Variants in NAPRT observed in about 807,000 individuals in gnomAD.
NAPRT encodes the protein nicotinate phosphoribosyltransferase, also known as FHA-HIT-interacting protein.
In NAPRT, 66 loss-of-function variants were observed where a neutral mutation model predicts 60.7. The ratio of observed to expected loss-of-function variants is 1.09; its 90% CI spans 0.89 to 1.33. NAPRT has a LOEUF of 1.33. NAPRT is among the 40% of genes most tolerant of loss of function. The pLI, the probability that NAPRT is intolerant of heterozygous loss-of-function variation, is 0.00. For missense variants in NAPRT, 818 were observed against 731.5 expected, an observed-to-expected ratio of 1.12 and a Z score of -1.36; for synonymous variants, 405 against 335.7, an observed-to-expected ratio of 1.21 and a Z score of -2.26.
At chr8:143,575,846 C>T in intron 8 of NAPRT, 144 bp from the exon 9 acceptor site, 1 of 441,712 alleles carries the variant, frequency 2.3e-6, no homozygotes, top group Non-Finnish European at 3.5e-6. Flanking sequence ...GGTGCCAGTG[C>T]CCTAGGTGGG....
downstream of NAPRT, chr8:143,574,663 T>C (rs1824296706): frequency 1.3e-6 from 1 of 765,598 alleles, no homozygotes; most frequent in Non-Finnish European, 2.2e-6. Context: ...GCCTGTGCTT[T>C]CACTGGGATG....
At chr8:143,575,127 GGCT>G in intron 11 of NAPRT, 34 bp from the exon 12 acceptor site, 3 of 1,560,114 alleles carry the variant, frequency 1.9e-6, no homozygotes, top group Non-Finnish European at 2.6e-6. Context: ...AGAAGCTTGG[GGCT>G]AGCTCCCAGT....
In NAPRT at chr8:143,575,315, G is replaced by A; in HGVS notation, c.1322C>T (p.Ala441Val). The stretch of plus-strand genomic sequence containing the variant: ...CCCAGCCTGTGGCACTGGCTCTTCT[G>A]CTAACTGCAGCATGTCCATGAGTGG... ...GSPLMDMLQLAEEPVPQAGQE... is the reference protein window; with the variant it reads ...GSPLMDMLQLVEEPVPQAGQE... Residue 441 changes from alanine (A) to valine (V), a missense_variant, in exon 11 of 13, where the codon GCA becomes GTA. Ala to Val is a moderately conservative substitution (Grantham distance 64). Coordinates refer to ENST00000449291, the MANE Select transcript of NAPRT (RefSeq NM_145201.6). 6 of 1,612,724 alleles carry A rather than the reference G, an allele frequency of 3.7e-6. No homozygotes were observed. The highest frequency in any genetic ancestry group is 4.2e-6 in the Non-Finnish European group (5 of 1,179,886).
rs761598203 is a variant in NAPRT, at chr8:143,577,249, G to GC, written c.568+19dup. ...GCTCCTCCTTCCCGGCCCTTGCCTT[G>GC]CCCCGCACCAGACACTCACCGCCCA... On this transcript the variant is annotated intron_variant, in intron 4 of 12. Coordinates refer to ENST00000449291, the MANE Select transcript of NAPRT (RefSeq NM_145201.6). 9.3e-6 allele frequency: 15 copies of GC among 1,607,588 alleles called. No homozygotes were observed. Among genetic ancestry groups the GC allele is most frequent in the Non-Finnish European group, 1.3e-5 (15 of 1,176,716 alleles).
chr8:143,572,990 C>A, downstream of NAPRT: 1 of 456,366 alleles, frequency 2.2e-6, no homozygotes, highest in South Asian at 4.4e-5. Context: ...CAAGAGCTGG[C>A]AGATCCACGA....
chr8:143,572,895 C>A, downstream of NAPRT: 1 of 688,670 alleles, frequency 1.5e-6, no homozygotes, highest in Non-Finnish European at 2.2e-6. Context: ...GCCCTCCTGC[C>A]TGGGCTGCTG....
At position 143,577,406 on chromosome 8, in the gene NAPRT, G is replaced by T. The variant is rs1383030996; in HGVS notation, c.438-7C>A. ...TGCGTTGGTGGCCACCAGGCTGTGG[G>T]GAGCCAAGAGTCAGGGGGTCCCAGG... On this transcript the variant is annotated splice_polypyrimidine_tract_variant and splice_region_variant and intron_variant, in intron 3 of 12. Transcript: ENST00000449291. The T allele has an allele frequency of 3.7e-6, 6 of 1,604,232 alleles. No individual in the cohort carries two copies. Among genetic ancestry groups the T allele is most frequent in the Non-Finnish European group, 4.3e-6 (5 of 1,176,180 alleles).
rs763854319 is a variant in NAPRT, at chr8:143,576,576, C to A, written c.882-4G>T. 3.7e-6 allele frequency: 6 copies of A among 1,609,922 alleles called. No homozygotes were observed. The highest frequency in any genetic ancestry group is 5.1e-6 in the Non-Finnish European group (6 of 1,178,634). On this transcript the variant is annotated splice_region_variant and splice_polypyrimidine_tract_variant and intron_variant, in intron 6 of 12. Transcript: ENST00000449291. ...TAGGAAGTTGGGGAGACCACTCCTG[C>A]AGAAATAGATAAGGGAGTCAGAGGC...
chr8:143,578,186 A>G lies in NAPRT; in HGVS notation c.133T>C (p.Phe45Leu). 6.6e-7 allele frequency: 1 copy of G among 1,514,706 alleles called. No homozygotes were observed. Among genetic ancestry groups the G allele is most frequent in the Admixed American group, 2.2e-5 (1 of 46,436 alleles). 93.8% of individuals were successfully genotyped at this position (1,514,706 alleles called of 1,614,324 possible). A position where few individuals can be genotyped will look rare whatever the true frequency, so the allele number is the denominator to read the frequency against. Reference protein sequence around the residue: ...ARDAAEFELFFRRCPFGGAFA... With the variant: ...ARDAAEFELFLRRCPFGGAFA... Reference sequence around the variant, plus strand: ...GCGCCGCCGAACGGGCAGCGGCGGAAGAAGAGCTCGAACTCGGCGGCGTCC... The same window carrying G: ...GCGCCGCCGAACGGGCAGCGGCGGAGGAAGAGCTCGAACTCGGCGGCGTCC... The change falls in exon 1 of 13, where the codon TTC (phenylalanine) becomes CTC (leucine). Residue 45 changes from phenylalanine (F) to leucine (L), a missense_variant. Coordinates refer to ENST00000449291, the MANE Select transcript of NAPRT (RefSeq NM_145201.6).
Position 143,575,322 on chromosome 8 carries a change from G to A in NAPRT, c.1315C>T (p.Gln439Ter), listed in dbSNP as rs759293166. 5.0e-6 allele frequency: 8 copies of A among 1,612,774 alleles called. No individual in the cohort carries two copies. Among genetic ancestry groups the A allele is most frequent in the Non-Finnish European group, 6.8e-6 (8 of 1,179,872 alleles). ...TGTGGCACTGGCTCTTCTGCTAACTGCAGCATGTCCATGAGTGGAGACCCT... is the reference window on the plus strand; with the variant it reads ...TGTGGCACTGGCTCTTCTGCTAACTACAGCATGTCCATGAGTGGAGACCCT... ...SDGSPLMDML[Q>*]LAEEPVPQAG... Residue 439 changes from glutamine to a stop codon, truncating the protein, a stop_gained, in exon 11 of 13, where the codon CAG becomes TAG. Transcript: ENST00000449291. LOFTEE classifies it high-confidence loss of function.
Position 143,575,624 on chromosome 8 carries a change from T to C in NAPRT, c.1186A>G (p.Lys396Glu). The C allele has an allele frequency of 6.3e-7, 1 of 1,593,532 alleles. No individual in the cohort carries two copies. Among genetic ancestry groups the C allele is most frequent in the Non-Finnish European group, 8.5e-7 (1 of 1,170,726 alleles). ...TGGGCCCCCGACACTGTCCCTACCT[T>C]ATAGACGCCACCCAGGGAAGGCTGT... Reference protein sequence around the residue: ...PQQPSLGGVYKLVAVGGQPRM... With the variant: ...PQQPSLGGVYELVAVGGQPRM... Residue 396 changes from lysine (K) to glutamate (E), a missense_variant and splice_region_variant, in exon 9 of 13, where the codon AAG becomes GAG. Transcript: ENST00000449291.
In NAPRT at chr8:143,574,791, G is replaced by T; in HGVS notation, c.*47C>A. On this transcript the variant is annotated 3_prime_UTR_variant, in exon 13 of 13. Transcript: ENST00000449291. ...CAAACAACACAGGACAAGCTGTGGGGAAAAGTGAGTGATTCGTGTTGTTTC... is the reference window on the plus strand; with the variant it reads ...CAAACAACACAGGACAAGCTGTGGGTAAAAGTGAGTGATTCGTGTTGTTTC... 1 of 1,547,882 alleles carries T rather than the reference G, an allele frequency of 6.5e-7. No individual in the cohort carries two copies. The highest frequency in any genetic ancestry group is 8.7e-7 in the Non-Finnish European group (1 of 1,144,378).
In NAPRT at chr8:143,575,634, AC is replaced by A. The variant is rs1338611722; in HGVS notation, c.1175del (p.Gly392ValfsTer15). On this transcript the variant is annotated frameshift_variant, in exon 9 of 13. Transcript: ENST00000449291. LOFTEE classifies it high-confidence loss of function. ...ACACTGTCCCTACCTTATAGACGCC[AC>A]CCAGGGAAGGCTGTTGGGGGCAGGT... The part of the protein sequence containing the change: ...VVTCPQQPSL[G>X]GVYKLVAVGG... 4 of 1,594,616 alleles carry A rather than the reference AC, an allele frequency of 2.5e-6. No homozygotes were observed. Among genetic ancestry groups the A allele is most frequent in the Non-Finnish European group, 3.4e-6 (4 of 1,171,356 alleles).
In NAPRT at chr8:143,576,460, G is replaced by A. The variant is rs35975875; in HGVS notation, c.994C>T (p.Arg332Cys). 5.4e-3 allele frequency: 8,725 copies of A among 1,610,904 alleles called. 44 individuals carry two copies. The highest frequency in any genetic ancestry group is 6.1e-3 in the Non-Finnish European group (7,158 of 1,178,766). ...GCTGCAGCAGCTCGGAAGACCTTGC[G>A]GATCTCCTGAGCCTGCTGTAGCAGG... ...GDLLQQAQEI[R>C]KVFRAAAAQF... The change falls in exon 7 of 13, where the codon CGC (arginine) becomes TGC (cysteine). Residue 332 changes from arginine to cysteine, a missense_variant. By Grantham distance (180) the Arg-to-Cys change is radical. Coordinates refer to ENST00000449291, the MANE Select transcript of NAPRT (RefSeq NM_145201.6).
At position 143,577,100 on chromosome 8, in the gene NAPRT, CGAA is replaced by C. The variant is rs1824522381; in HGVS notation, c.643_645del (p.Phe215del). On this transcript the variant is annotated inframe_deletion, in exon 5 of 13. Transcript: ENST00000449291. ...ACCTCGCTGCCTGAAAAGGAAGTGACGAAGGAGTGGGCCAGGGTCCCGGCCACC... is the reference window on the plus strand; with the variant it reads ...ACCTCGCTGCCTGAAAAGGAAGTGACGGAGTGGGCCAGGGTCCCGGCCACC... 14 of 1,612,912 alleles carry C rather than the reference CGAA, an allele frequency of 8.7e-6. No individual in the cohort carries two copies. The highest frequency in any genetic ancestry group is 1.3e-5 in the African/African-American group (1 of 74,920).
Position 143,575,664 on chromosome 8 carries a change from C to A in NAPRT, c.1146G>T (p.Val382=). ...EVNVIGIGTS[V]VTCPQQPSLG... ...GGGAAGGCTGTTGGGGGCAGGTGACCACACTGGTGCCAATGCCAATGACAT... is the reference window on the plus strand; with the variant it reads ...GGGAAGGCTGTTGGGGGCAGGTGACAACACTGGTGCCAATGCCAATGACAT... Residue 382 remains valine (V), a synonymous_variant, in exon 9 of 13, where the codon GTG becomes GTT. Transcript: ENST00000449291. The A allele has an allele frequency of 1.3e-6, 2 of 1,595,398 alleles. No homozygotes were observed. The highest frequency in any genetic ancestry group is 1.7e-6 in the Non-Finnish European group (2 of 1,171,950).
At chr8:143,575,148 C>A in intron 11 of NAPRT, 43 bp downstream of exon 11, 1 of 1,580,396 alleles carries the variant, frequency 6.3e-7, no homozygotes, top group Non-Finnish European at 8.6e-7. Context: ...AGTCAGGGCT[C>A]TACCGGGGCT....
Position 143,575,194 on chromosome 8 carries a change from T to C in NAPRT, c.1443A>G (p.Gly481=). The C allele has an allele frequency of 6.2e-7, 1 of 1,607,932 alleles. No individual in the cohort carries two copies. The highest frequency in any genetic ancestry group is 1.7e-5 in the Admixed American group (1 of 59,096). Residue 481 remains glycine (G), a synonymous_variant, in exon 11 of 13, where the codon GGA becomes GGG. Coordinates refer to ENST00000449291, the MANE Select transcript of NAPRT (RefSeq NM_145201.6). ...EPLLRLCLQQ[G]QLCEPLPSLA... is the part of the protein sequence containing the mutation. ...ATGAGGGCGGTGGGGCAGCCACCTG[T>C]CCCTGCTGGAGGCAGAGCCGCAGTA...
At chr8:143,577,595 G>A in intron 3 of NAPRT, 62 bp downstream of exon 3, 3 of 1,520,660 alleles carry the variant, frequency 2.0e-6, no homozygotes, top group South Asian at 1.2e-5. Context: ...AGTCCAGCAC[G>A]GAGCCCCGGC....
Sources: allele counts gnomAD v4.1 joint callset, GRCh38; gene constraint gnomAD v4.1.1; transcripts MANE v1.5; gene names NCBI Gene and HGNC (gene_info 2026-07-23, HGNC 2026-07-21).